RELN: variants seen among roughly 807,000 people sequenced by gnomAD.
RELN encodes reelin.
In RELN, 108 loss-of-function variants were observed where a neutral mutation model predicts 427.6. That is an observed-to-expected ratio of 0.25 (90% CI 0.22 to 0.30). RELN has a LOEUF of 0.30. Ranked by LOEUF, RELN falls within the 10% of genes least tolerant of loss-of-function variation. The pLI, the probability that RELN is intolerant of heterozygous loss-of-function variation, is 1.00. For synonymous variants in RELN, 1,524 were observed against 1,513.4 expected, an observed-to-expected ratio of 1.01 and a Z score of -0.16; for missense variants, 3,715 against 4,302.8, an observed-to-expected ratio of 0.86 and a Z score of 3.82.
At chr7:103,856,618 T>A (rs1160212164) in intron 2 of RELN, among the ~76,000 whole-genome samples, 2 of 150,522 alleles carry the variant, frequency 1.3e-5, no homozygotes, top group Non-Finnish European at 1.5e-5. Flanking sequence ...GCAAATATGT[T>A]GACAAAAATA....
At chr7:103,760,421 T>C (rs1584471325) in intron 4 of RELN, among the ~76,000 whole-genome samples, 1 of 152,290 alleles carries the variant, frequency 6.6e-6, no homozygotes, top group South Asian at 2.1e-4. Context: ...TGTGTTTTTT[T>C]CTTTCAACTG....
At chr7:103,659,018 T>C (rs1833081909) in intron 12 of RELN, among the ~76,000 whole-genome samples, 1 of 151,708 alleles carries the variant, frequency 6.6e-6, no homozygotes, top group South Asian at 2.1e-4. Context: ...TATGCTACCT[T>C]CTGCTTGGGA....
intron 16 of RELN, among the ~76,000 whole-genome samples, chr7:103,647,455 A>G (rs1238285823): frequency 6.6e-6 from 1 of 151,752 alleles, no homozygotes; most frequent in Non-Finnish European, 1.5e-5. Context: ...CCCATTTACA[A>G]TAGCTACAAA....
At chr7:103,483,624 G>GA in intron 62 of RELN, 29 bp downstream of exon 62, 1 of 1,603,530 alleles carries the variant, frequency 6.2e-7, no homozygotes, top group East Asian at 2.2e-5. Context: ...TTGTGCATGA[G>GA]ACCATGCCTT....
At chr7:103,677,405 T>TATAATAATAATA (rs370333905) in intron 11 of RELN, among the ~76,000 whole-genome samples, 1 of 134,438 alleles carries the variant, frequency 7.4e-6, no homozygotes, top group Non-Finnish European at 1.6e-5. Context: ...GAACTTAAAG[T>TATAATAATAATA]ATAATAATAA....
At chr7:103,854,215 A>T (rs769142566) in intron 2 of RELN, among the ~76,000 whole-genome samples, 9 of 152,196 alleles carry the variant, frequency 5.9e-5, no homozygotes, top group Non-Finnish European at 1.2e-4. Flanking sequence ...GTCCTTGCTG[A>T]AGCACATATT....
Position 103,603,482 on chromosome 7 carries a change from T to G in RELN, c.3155A>C (p.Gln1052Pro), listed in dbSNP as rs1465413264. The G allele has an allele frequency of 1.9e-6, 3 of 1,613,718 alleles. No individual in the cohort carries two copies. Among genetic ancestry groups the G allele is most frequent in the Non-Finnish European group, 2.5e-6 (3 of 1,179,700 alleles). Residue 1052 changes from glutamine to proline, a missense_variant, in exon 24 of 65, where the codon CAG becomes CCG. By Grantham distance (76) the Gln-to-Pro change is moderately conservative. Around this residue, in one of 4 missense-constraint regions of RELN, gnomAD observed 2,208 missense variants for 2,361.7 expected, o/e 0.93. Coordinates refer to ENST00000428762, the MANE Select transcript of RELN (RefSeq NM_005045.4). The surrounding 1 kb of genome is among the most constrained non-coding windows in gnomAD (Gnocchi z 4.3). ...SCDHGICRCD[Q>P]GYQGTECHPE... ...GTGGCATTCAGTGCCTTGGTACCCC[T>G]GGTCACACCTATGAGAGAGCAGGGC...
At chr7:103,656,011 C>T (rs191345096) in intron 12 of RELN, among the ~76,000 whole-genome samples, 1 of 152,128 alleles carries the variant, frequency 6.6e-6, no homozygotes, top group Admixed American at 6.6e-5. Flanking sequence ...TCCAATTTGT[C>T]AGCTCTGGAG....
At chr7:103,663,698 G>C (rs1833195048) in intron 11 of RELN, among the ~76,000 whole-genome samples, 1 of 152,146 alleles carries the variant, frequency 6.6e-6, no homozygotes, top group South Asian at 2.1e-4. Flanking sequence ...TCATAGCTCT[G>C]ATGGTTCAGC....
chr7:103,482,722 TA>T, intron 63 of RELN, 150 bp downstream of exon 63: 1 of 1,505,698 alleles, frequency 6.6e-7, no homozygotes, highest in Non-Finnish European at 8.9e-7. Context: ...ATTTGAGCTA[TA>T]GCTTGCAGTT....
At chr7:103,750,340 T>C (rs1790966936) in intron 5 of RELN, among the ~76,000 whole-genome samples, 2 of 152,176 alleles carry the variant, frequency 1.3e-5, no homozygotes, top group African/African-American at 2.4e-5. Context: ...GCTGCCACCA[T>C]GTGAAGAAGG....
At chr7:103,872,030 A>ATATATATT (rs773045936) in intron 2 of RELN, among the ~76,000 whole-genome samples, 61 of 138,448 alleles carry the variant, frequency 4.4e-4, no homozygotes, top group Admixed American at 1.4e-3. Flanking sequence ...ATATATATAT[A>ATATATATT]TTTTTCTTTT....
At chr7:103,553,622 T>A in intron 39 of RELN, 38 bp downstream of exon 39, 2 of 1,612,926 alleles carry the variant, frequency 1.2e-6, no homozygotes, top group Non-Finnish European at 1.7e-6. Flanking sequence ...ATGATTTGTA[T>A]ACAGCAGTGG....
intron 42 of RELN, 61 bp downstream of exon 42, chr7:103,545,063 A>T: frequency 2.4e-6 from 3 of 1,264,762 alleles, no homozygotes; most frequent in Non-Finnish European, 3.5e-6. Flanking sequence ...ATCTACCAAA[A>T]ATTGTGTTTA....
intron 11 of RELN, among the ~76,000 whole-genome samples, chr7:103,663,035 CT>C (rs1260266548): frequency 3.3e-5 from 5 of 151,790 alleles, no homozygotes; most frequent in African/African-American, 9.7e-5. Context: ...CTAAAACATT[CT>C]GTCAGCCCTC....
rs148859697 is a variant in RELN, at chr7:103,720,012, C to T, written c.805+3128G>A. Among the ~76,000 whole-genome samples, 253 of 151,880 alleles carry T rather than the reference C, an allele frequency of 1.7e-3. 1 individual carries two copies. Among genetic ancestry groups the T allele is most frequent in the African/African-American group, 5.9e-3 (245 of 41,404 alleles). ...CTTTAAAAATCATTGGTTAAGACAGCCTTACATTTATGTATATATATGTAT... is the reference window on the plus strand; with the variant it reads ...CTTTAAAAATCATTGGTTAAGACAGTCTTACATTTATGTATATATATGTAT... On this transcript the variant is annotated intron_variant, in intron 8 of 64. Transcript: ENST00000428762.
chr7:103,865,135 AAAAAAAAAAAAAAAAAAAAAG>A (rs1410692933), intron 2 of RELN, among the ~76,000 whole-genome samples: 3 of 81,108 alleles, frequency 3.7e-5, no homozygotes, highest in Non-Finnish European at 8.6e-5. Context: ...ACTGTCTCAA[AAAAAAAAAAAAAAAAAAAAAG>A]AAAGAAAGAA....
chr7:103,746,319 A>G lies in RELN; in HGVS notation c.656+3107T>C, dbSNP rs532989279. On this transcript the variant is annotated intron_variant, in intron 6 of 64. Transcript: ENST00000428762. Reference sequence around the variant, plus strand: ...GACCTAAAACCATAAAAACCCTAGAAGAAAACCTAGGCAATACCATTCAGG... The same window carrying G: ...GACCTAAAACCATAAAAACCCTAGAGGAAAACCTAGGCAATACCATTCAGG... 2.4e-3 allele frequency among the ~76,000 whole-genome samples: 367 copies of G among 152,340 alleles called. 3 individuals carry two copies. The highest frequency in any genetic ancestry group is 8.2e-3 in the African/African-American group (340 of 41,566).
intron 4 of RELN, among the ~76,000 whole-genome samples, chr7:103,762,473 CT>C (rs1791326436): frequency 6.6e-6 from 1 of 152,192 alleles, no homozygotes; most frequent in South Asian, 2.1e-4. Context: ...GGAAAAGTTT[CT>C]TCTCTTTATC....
Sources: allele counts gnomAD v4.1 joint callset (sites outside exome capture counted in the v4.1 genomes callset), GRCh38; gene constraint gnomAD v4.1.1; regional missense constraint gnomAD v4.1.1; non-coding constraint Gnocchi (gnomAD v3.1); transcripts MANE v1.5; gene names NCBI Gene and HGNC (gene_info 2026-07-23, HGNC 2026-07-21).